The following PNPT1 variants were observed in gnomAD, a reference collection of about 807,000 sequenced individuals.
PNPT1 encodes the protein polyribonucleotide nucleotidyltransferase 1, mitochondrial.
PNPT1 carries 53 observed loss-of-function variants against 119.5 expected under a neutral mutation model. The observed-to-expected ratio is 0.44, with a 90% CI of 0.36 to 0.56. The LOEUF (loss-of-function observed/expected upper bound fraction) is 0.56. Among genes scored for constraint, PNPT1 ranks in the 20% least tolerant of loss-of-function variants. The probability of loss-of-function intolerance (pLI) is 0.00; values close to 1 mark genes in which losing one functional copy is unlikely to be tolerated. For synonymous variants in PNPT1, 357 were observed against 322.1 expected (o/e 1.11, Z -1.16); for missense variants, 948 against 938.5 (o/e 1.01, Z -0.13).
chr2:55,687,731 A>T, intron 1 of PNPT1, 26 bp from the exon 2 acceptor site: 1 of 1,539,788 alleles, frequency 6.5e-7, no homozygotes, highest in Non-Finnish European at 8.9e-7. Context: ...AATGCAATAC[A>T]AGAAGACTTA....
intron 25 of PNPT1, among the ~76,000 whole-genome samples, chr2:55,641,370 G>C (rs1329005053): frequency 6.9e-6 from 1 of 144,338 alleles, no homozygotes; most frequent in East Asian, 2.1e-4. Context: ...CCAGGTTCAA[G>C]TCATTCTCAT....
chr2:55,688,899 G>A (rs533920266), intron 1 of PNPT1, among the ~76,000 whole-genome samples: 1 of 152,164 alleles, frequency 6.6e-6, no homozygotes, highest in Admixed American at 6.6e-5. Context: ...GTAGCCTTTT[G>A]AGGCAATAGT....
At chr2:55,651,904 A>AAAAAAAAAG (rs1491122260) in intron 18 of PNPT1, among the ~76,000 whole-genome samples, 1 of 141,250 alleles carries the variant, frequency 7.1e-6, no homozygotes, top group African/African-American at 2.7e-5. Context: ...AAAAAAAAAA[A>AAAAAAAAAG]CAATAACCTT....
chr2:55,669,318 G>C (rs1348440), intron 11 of PNPT1, among the ~76,000 whole-genome samples: 1 of 152,134 alleles, frequency 6.6e-6, no homozygotes, highest in African/African-American at 2.4e-5. Context: ...TTTTAGCTTA[G>C]GGTTTAGATG....
chr2:55,677,567 A>C (rs1260323497), intron 8 of PNPT1, among the ~76,000 whole-genome samples: 1 of 122,224 alleles, frequency 8.2e-6, no homozygotes, highest in Non-Finnish European at 1.6e-5. Flanking sequence ...GCACTCCTCC[A>C]CCCTGGGCAA....
intron 18 of PNPT1, among the ~76,000 whole-genome samples, chr2:55,650,883 C>A (rs1406088159): frequency 6.6e-6 from 1 of 151,586 alleles, no homozygotes; most frequent in Non-Finnish European, 1.5e-5. Flanking sequence ...GCCACCTCGT[C>A]CGGCAGGGAG....
intron 13 of PNPT1, among the ~76,000 whole-genome samples, chr2:55,663,556 AC>A (rs1287861730): frequency 6.6e-6 from 1 of 152,202 alleles, no homozygotes; most frequent in African/African-American, 2.4e-5. Flanking sequence ...AGGAAACCAC[AC>A]CTTTCAATCA....
intron 8 of PNPT1, among the ~76,000 whole-genome samples, chr2:55,679,330 A>G (rs1337155184): frequency 6.6e-6 from 1 of 152,170 alleles, no homozygotes; most frequent in East Asian, 1.9e-4. Flanking sequence ...TAGAACTTCT[A>G]TTTTTAAAAT....
At chr2:55,641,141 T>C (rs190895670) in intron 25 of PNPT1, among the ~76,000 whole-genome samples, 3 of 152,256 alleles carry the variant, frequency 2.0e-5, no homozygotes, top group East Asian at 3.9e-4. Context: ...GGAGAATTGT[T>C]TGAACCCGAA....
At position 55,667,090 on chromosome 2, in the gene PNPT1, G is replaced by A. The variant is rs745772657; in HGVS notation, c.1077C>T (p.Cys359=). Residue 359 remains cysteine (C), a synonymous_variant, in exon 13 of 28, where the codon TGC becomes TGT. Coordinates refer to ENST00000447944, the MANE Select transcript of PNPT1 (RefSeq NM_033109.5). ...RSIVLNEYKR[C]DGRDLTSLRN... is the part of the protein sequence containing the mutation. ...TAAGTGAAGTCAAATCCCGACCATCGCACCTATAGTGATATAGGAAATAAG... is the reference window on the plus strand; with the variant it reads ...TAAGTGAAGTCAAATCCCGACCATCACACCTATAGTGATATAGGAAATAAG... The A allele has an allele frequency of 3.2e-5, 52 of 1,609,386 alleles. No homozygotes were observed. The highest frequency in any genetic ancestry group is 2.9e-4 in the South Asian group (26 of 90,768).
intron 17 of PNPT1, among the ~76,000 whole-genome samples, chr2:55,655,668 G>A (rs904864705): frequency 8.5e-5 from 13 of 152,140 alleles, no homozygotes; most frequent in African/African-American, 2.9e-4. Flanking sequence ...ACACCTTTAA[G>A]AACTCCATGA....
At chr2:55,660,321 C>A (rs1559097663) in intron 14 of PNPT1, 128 bp from the exon 15 acceptor site, 12 of 938,538 alleles carry the variant, frequency 1.3e-5, no homozygotes, top group Non-Finnish European at 1.6e-5. Context: ...CAGACTGAAA[C>A]TGAAAACCAA....
At chr2:55,640,505 A>T in intron 26 of PNPT1, 122 bp downstream of exon 26, 4 of 854,426 alleles carry the variant, frequency 4.7e-6, no homozygotes, top group Non-Finnish European at 7.3e-6. Flanking sequence ...CATCTCTGCC[A>T]CTTGTTTTCT....
intron 18 of PNPT1, among the ~76,000 whole-genome samples, chr2:55,650,461 C>A (rs1559091359): frequency 6.6e-6 from 1 of 152,192 alleles, no homozygotes; most frequent in Non-Finnish European, 1.5e-5. Context: ...GGTGCCCAGG[C>A]TGGAGTGCAG....
chr2:55,662,542 G>T (rs1309237961), intron 13 of PNPT1, among the ~76,000 whole-genome samples: 6 of 152,182 alleles, frequency 3.9e-5, no homozygotes, highest in African/African-American at 1.4e-4. Flanking sequence ...GGGCATGGTG[G>T]CATGTGCCTG....
intron 9 of PNPT1, among the ~76,000 whole-genome samples, chr2:55,672,274 T>A (rs1696939656): frequency 6.6e-6 from 1 of 152,210 alleles, no homozygotes; most frequent in African/African-American, 2.4e-5. Context: ...CCACATGTAG[T>A]ATCCTGTTCT....
At chr2:55,643,888 C>A (rs1036434552) in intron 23 of PNPT1, among the ~76,000 whole-genome samples, 1 of 152,138 alleles carries the variant, frequency 6.6e-6, no homozygotes, top group Admixed American at 6.5e-5. Flanking sequence ...TCAACAAATA[C>A]ACTCTGCATA....
chr2:55,680,949 G>C, intron 5 of PNPT1, 31 bp from the exon 6 acceptor site: 3 of 1,578,128 alleles, frequency 1.9e-6, no homozygotes, highest in Non-Finnish European at 1.7e-6. Context: ...TGATTTGGAA[G>C]GGTTATCATT....
chr2:55,661,202 C>T (rs1696561417), intron 14 of PNPT1, among the ~76,000 whole-genome samples: 2 of 150,602 alleles, frequency 1.3e-5, no homozygotes, highest in African/African-American at 4.9e-5. Context: ...ACGCCATTCT[C>T]CTGCCTCAGC....
Sources: gnomAD v4.1 joint callset for allele counts (sites outside exome capture counted in the v4.1 genomes callset) on GRCh38, gnomAD v4.1.1 for gene constraint, MANE v1.5 for transcripts, NCBI Gene and HGNC (gene_info 2026-07-23, HGNC 2026-07-21) for gene names.